Variants in CNTN3 observed in about 807,000 individuals in gnomAD.
CNTN3 encodes the protein contactin-3.
CNTN3 carries 60 observed loss-of-function variants against 119.1 expected under a neutral mutation model. The observed-to-expected ratio is 0.50, with a 90% CI of 0.41 to 0.62. The LOEUF is 0.62. Among genes scored for constraint, CNTN3 ranks in the 20% least tolerant of loss-of-function variants. The pLI, the probability that CNTN3 is intolerant of heterozygous loss-of-function variation, is 0.00. For missense variants in CNTN3, 1,101 were observed against 1,242.4 expected, an observed-to-expected ratio of 0.89 and a Z score of 1.71; for synonymous variants, 450 against 438.7, an observed-to-expected ratio of 1.03 and a Z score of -0.32.
At chr3:74,379,786 C>A (rs2106807605) in intron 5 of CNTN3, among the ~76,000 whole-genome samples, 1 of 152,232 alleles carries the variant, frequency 6.6e-6, no homozygotes, top group East Asian at 1.9e-4. Flanking sequence ...CCAGCAATGG[C>A]TTGGGGGGAC....
intron 1 of CNTN3, among the ~76,000 whole-genome samples, chr3:74,592,022 A>G (rs1035683623): frequency 5.9e-5 from 9 of 151,956 alleles, no homozygotes; most frequent in African/African-American, 2.2e-4. Context: ...AGGCTAAAAT[A>G]TCAACCAGCC....
At chr3:74,559,803 A>G (rs886111380) in intron 1 of CNTN3, among the ~76,000 whole-genome samples, 7 of 152,032 alleles carry the variant, frequency 4.6e-5, no homozygotes, top group Non-Finnish European at 8.8e-5. Context: ...TAATATAATA[A>G]CATACAAATT....
At chr3:74,540,523 T>C (rs1461908725) in intron 1 of CNTN3, among the ~76,000 whole-genome samples, 1 of 151,906 alleles carries the variant, frequency 6.6e-6, no homozygotes, top group Non-Finnish European at 1.5e-5. Flanking sequence ...TTACTTACTA[T>C]ACGTCAGCAT....
chr3:74,349,526 T>G (rs1348148795), intron 11 of CNTN3, among the ~76,000 whole-genome samples: 2 of 152,234 alleles, frequency 1.3e-5, no homozygotes, highest in African/African-American at 4.8e-5. Flanking sequence ...CTTCTTTCTC[T>G]TCTCCTTTCT....
At chr3:74,502,185 A>G (rs1263688792) in intron 2 of CNTN3, among the ~76,000 whole-genome samples, 1 of 152,152 alleles carries the variant, frequency 6.6e-6, no homozygotes, top group Non-Finnish European at 1.5e-5. Flanking sequence ...GCAATAATGC[A>G]TTAACATAAT....
intron 11 of CNTN3, among the ~76,000 whole-genome samples, chr3:74,359,745 C>T (rs1704038560): frequency 6.6e-6 from 1 of 152,050 alleles, no homozygotes; most frequent in Non-Finnish European, 1.5e-5. Context: ...ACTATATTTG[C>T]TACTATGAGG....
intron 11 of CNTN3, among the ~76,000 whole-genome samples, chr3:74,356,886 G>T (rs774792534): frequency 2.6e-5 from 4 of 152,060 alleles, no homozygotes; most frequent in African/African-American, 4.8e-5. Context: ...TTATTGTGCT[G>T]CTATAAAACT....
At chr3:74,324,343 C>G (rs1703079214) in intron 13 of CNTN3, among the ~76,000 whole-genome samples, 1 of 152,044 alleles carries the variant, frequency 6.6e-6, no homozygotes, top group African/African-American at 2.4e-5. Context: ...TCCCGAGTAG[C>G]TGGGAATACA....
intron 2 of CNTN3, among the ~76,000 whole-genome samples, chr3:74,517,187 T>C (rs983849515): frequency 6.6e-6 from 1 of 151,940 alleles, no homozygotes; most frequent in African/African-American, 2.4e-5. Flanking sequence ...GATACCCACC[T>C]TTTTAGGCCA....
intron 13 of CNTN3, among the ~76,000 whole-genome samples, chr3:74,320,518 T>C (rs1702960168): frequency 6.6e-6 from 1 of 151,680 alleles, no homozygotes; most frequent in South Asian, 2.1e-4. Flanking sequence ...GGGACTGTTG[T>C]GGGGTGGGGG....
At chr3:74,471,793 A>G (rs1444616533) in intron 4 of CNTN3, among the ~76,000 whole-genome samples, 1 of 152,188 alleles carries the variant, frequency 6.6e-6, no homozygotes, top group Non-Finnish European at 1.5e-5. Context: ...GATCGTGGGG[A>G]AATGGAAAGC....
At position 74,371,307 on chromosome 3, in the gene CNTN3, T is replaced by C. The variant is rs201466963; in HGVS notation, c.547A>G (p.Ile183Val). The C allele has an allele frequency of 4.3e-6, 7 of 1,613,186 alleles. No individual in the cohort carries two copies. Among genetic ancestry groups the C allele is most frequent in the Non-Finnish European group, 5.9e-6 (7 of 1,179,376 alleles). Residue 183 changes from isoleucine (I) to valine (V), a missense_variant, in exon 6 of 23, where the codon ATA becomes GTA. Ile to Val is a conservative substitution (Grantham distance 29). Coordinates refer to ENST00000263665, the MANE Select transcript of CNTN3 (RefSeq NM_020872.3). Reference protein sequence around the residue: ...FVSQETGHLYISKVEPSDVGN... With the variant: ...FVSQETGHLYVSKVEPSDVGN... ...ACATCAGACGGCTCCACCTTAGATA[T>C]GTAGAGGTGCCCTGTCTCCTGGGAG...
chr3:74,585,013 G>T (rs779098212), intron 1 of CNTN3, among the ~76,000 whole-genome samples: 3 of 152,150 alleles, frequency 2.0e-5, no homozygotes, highest in African/African-American at 7.2e-5. Flanking sequence ...AAAGAAGAAA[G>T]AAGTCTTTCC....
At chr3:74,435,285 A>G (rs1701847890) in intron 4 of CNTN3, among the ~76,000 whole-genome samples, 1 of 152,074 alleles carries the variant, frequency 6.6e-6, no homozygotes, top group East Asian at 1.9e-4. Context: ...AGAGATTCTT[A>G]TGCCTCAGCC....
At chr3:74,481,678 A>G (rs1702765274) in intron 4 of CNTN3, among the ~76,000 whole-genome samples, 1 of 151,820 alleles carries the variant, frequency 6.6e-6, no homozygotes, top group African/African-American at 2.4e-5. Context: ...TAAGTTAACC[A>G]TACAAGTTAA....
rs145794904 is a variant in CNTN3 at position 74,363,190 on chromosome 3, G to A, written c.1214-1150C>T. 4.1e-3 allele frequency among the ~76,000 whole-genome samples: 622 copies of A among 152,170 alleles called. 9 individuals carry two copies. The highest frequency in any genetic ancestry group is 0.014 in the African/African-American group (593 of 41,504). On this transcript the variant is annotated intron_variant, in intron 10 of 22. Coordinates refer to ENST00000263665, the MANE Select transcript of CNTN3 (RefSeq NM_020872.3). ...CATAATATGCTACTTCTCTGTCATG[G>A]ATAACAGCAGCCAGATTTTCAGTTG...
chr3:74,343,388 C>A (rs1319570509), intron 11 of CNTN3, among the ~76,000 whole-genome samples: 2 of 152,218 alleles, frequency 1.3e-5, no homozygotes, highest in South Asian at 2.1e-4. Context: ...AGGAGACAGA[C>A]TCTTTCTCTG....
intron 13 of CNTN3, among the ~76,000 whole-genome samples, chr3:74,321,388 T>C (rs115415711): frequency 0.013 from 2,024 of 152,214 alleles, 42 homozygotes; most frequent in African/African-American, 0.046. Context: ...TACAACATCA[T>C]AATTTGTAGA....
intron 17 of CNTN3, among the ~76,000 whole-genome samples, 186 bp downstream of exon 17, chr3:74,299,682 C>T (rs1312154574): frequency 6.6e-6 from 1 of 152,102 alleles, no homozygotes; most frequent in African/African-American, 2.4e-5. Context: ...ACAACCACCA[C>T]CACCAGCCCC....
Sources: allele counts gnomAD v4.1 joint callset (sites outside exome capture counted in the v4.1 genomes callset), GRCh38; gene constraint gnomAD v4.1.1; transcripts MANE v1.5; gene names NCBI Gene and HGNC (gene_info 2026-07-23, HGNC 2026-07-21).